The following FMN2 variants were observed in gnomAD, a reference collection of about 807,000 sequenced individuals.
FMN2 encodes formin 2.
A neutral mutation model predicts 142.3 loss-of-function variants in FMN2; 51 were observed. The observed-to-expected ratio is 0.36, with a 90% CI of 0.29 to 0.45. FMN2 has a LOEUF of 0.45. FMN2 is among the 20% of genes least tolerant of loss of function. The pLI is 1.00. For missense variants in FMN2, 1,936 were observed against 2,122.8 expected, an observed-to-expected ratio of 0.91 and a Z score of 1.73; for synonymous variants, 882 against 869.8, an observed-to-expected ratio of 1.01 and a Z score of -0.25.
At chr1:240,295,539 T>G (rs1669942607) in intron 8 of FMN2, among the ~76,000 whole-genome samples, 1 of 144,580 alleles carries the variant, frequency 6.9e-6, no homozygotes, top group African/African-American at 2.5e-5. Flanking sequence ...GTGTCTAGCT[T>G]ATTTCACTTA....
intron 15 of FMN2, among the ~76,000 whole-genome samples, chr1:240,409,153 A>G (rs898635944): frequency 1.3e-5 from 2 of 151,570 alleles, no homozygotes; most frequent in Non-Finnish European, 2.9e-5. Flanking sequence ...TTTACTTTTT[A>G]TTTTTTTGAG....
At chr1:240,395,914 A>G (rs754224546) in intron 15 of FMN2, among the ~76,000 whole-genome samples, 3 of 152,324 alleles carry the variant, frequency 2.0e-5, no homozygotes, top group Middle Eastern at 6.8e-3. Flanking sequence ...TACTGTGAGT[A>G]AAGTGCTACC....
intron 7 of FMN2, among the ~76,000 whole-genome samples, chr1:240,258,787 G>A (rs1181659885): frequency 2.0e-5 from 3 of 152,170 alleles, no homozygotes; most frequent in Non-Finnish European, 2.9e-5. Context: ...GTAATGAAGT[G>A]TAAATTCAGA....
rs1672455535 is a variant in FMN2 at position 240,361,137 on chromosome 1, ATGTGTATATATATATATAT to A, written c.4858+5230_4858+5248del. 8.3e-5 allele frequency among the ~76,000 whole-genome samples: 10 copies of A among 121,208 alleles called. 1 individual carries two copies. Among genetic ancestry groups the A allele is most frequent in the South Asian group, 5.3e-4 (2 of 3,798 alleles). 79.5% of individuals were successfully genotyped at this position (121,208 alleles called of 152,430 possible). On this transcript the variant is annotated intron_variant, in intron 14 of 17. Coordinates refer to ENST00000319653, the MANE Select transcript of FMN2 (RefSeq NM_020066.5). ...AAGTATAATAATAATAAATAAATAT[ATGTGTATATATATATATAT>A]ATATATATATATATATATATATATA...
At chr1:240,149,917 C>T (rs1480454981) in intron 2 of FMN2, among the ~76,000 whole-genome samples, 2 of 151,326 alleles carry the variant, frequency 1.3e-5, no homozygotes, top group Non-Finnish European at 2.9e-5. Flanking sequence ...TTTTTTTTCC[C>T]CTGAGTACAG....
chr1:240,154,107 C>CAAAAAAAAAAAA (rs3047182), intron 2 of FMN2, among the ~76,000 whole-genome samples: 1 of 55,318 alleles, frequency 1.8e-5, no homozygotes, highest in African/African-American at 6.7e-5. Context: ...GAGATTCCAT[C>CAAAAAAAAAAAA]AAAAAAAAAA....
chr1:240,104,511 T>C (rs1179806153), intron 1 of FMN2, among the ~76,000 whole-genome samples: 3 of 152,194 alleles, frequency 2.0e-5, no homozygotes, highest in Non-Finnish European at 4.4e-5. Flanking sequence ...GCATTTTCAC[T>C]TCCCATTCCG....
chr1:240,267,477 T>A (rs1668857318), intron 7 of FMN2, among the ~76,000 whole-genome samples: 1 of 151,302 alleles, frequency 6.6e-6, no homozygotes, highest in Non-Finnish European at 1.5e-5. Context: ...CACACTGGGG[T>A]CTTTCAGAGA....
In FMN2 at chr1:240,253,224, C is replaced by T. The variant is rs147793883; in HGVS notation, c.4066-4721C>T. Among the ~76,000 whole-genome samples, 10 of 152,086 alleles carry T rather than the reference C, an allele frequency of 6.6e-5. No individual in the cohort carries two copies. In the East Asian group the frequency reaches 1.7e-3, roughly 27 times the overall value. ...GACCTCATTATCTGCCTGCCTCAGC[C>T]TCCCAAAGTGCTAGGATTACAGACG... On this transcript the variant is annotated intron_variant, in intron 6 of 17. Coordinates refer to ENST00000319653, the MANE Select transcript of FMN2 (RefSeq NM_020066.5).
chr1:240,114,813 A>G (rs1251894967), intron 1 of FMN2, among the ~76,000 whole-genome samples: 2 of 152,060 alleles, frequency 1.3e-5, no homozygotes, highest in Non-Finnish European at 2.9e-5. Flanking sequence ...ATGCTCCACC[A>G]TGCCCAGCTA....
chr1:240,274,207 A>G (rs1669114795), intron 7 of FMN2, among the ~76,000 whole-genome samples: 1 of 149,740 alleles, frequency 6.7e-6, no homozygotes, highest in African/African-American at 2.5e-5. Flanking sequence ...TTTAATATGT[A>G]CCATGGGGGA....
chr1:240,102,098 C>T (rs1371998540), intron 1 of FMN2, among the ~76,000 whole-genome samples: 2 of 151,908 alleles, frequency 1.3e-5, no homozygotes, highest in Non-Finnish European at 2.9e-5. Context: ...TCAGTTTTTC[C>T]TACTATTGAA....
At chr1:240,291,912 G>C (rs953736753) in intron 7 of FMN2, among the ~76,000 whole-genome samples, 1 of 152,108 alleles carries the variant, frequency 6.6e-6, no homozygotes, top group African/African-American at 2.4e-5. Flanking sequence ...CTACATGTCA[G>C]ACCCTTTTAC....
chr1:240,353,478 A>G (rs554617115), intron 13 of FMN2, among the ~76,000 whole-genome samples: 2 of 152,338 alleles, frequency 1.3e-5, no homozygotes, highest in East Asian at 1.9e-4. Context: ...TTATACAGCA[A>G]CTAACCCATC....
chr1:240,334,035 GAC>G, intron 12 of FMN2, 72 bp from the exon 13 acceptor site: 1 of 1,573,502 alleles, frequency 6.4e-7, no homozygotes, highest in Non-Finnish European at 8.6e-7. Context: ...TTTTGTTTTG[GAC>G]ATACCTGCTA....
At chr1:240,399,590 T>C (rs1673904208) in intron 15 of FMN2, among the ~76,000 whole-genome samples, 1 of 152,144 alleles carries the variant, frequency 6.6e-6, no homozygotes, top group Non-Finnish European at 1.5e-5. Context: ...GGTTATGGCT[T>C]CTCACTGAGT....
At chr1:240,287,352 A>G (rs1010295818) in intron 7 of FMN2, among the ~76,000 whole-genome samples, 15 of 152,178 alleles carry the variant, frequency 9.9e-5, no homozygotes, top group Non-Finnish European at 2.1e-4. Flanking sequence ...AGCTAACTTC[A>G]TCAAAGCTTT....
chr1:240,154,278 A>G (rs1251554003), intron 2 of FMN2, among the ~76,000 whole-genome samples: 1 of 152,146 alleles, frequency 6.6e-6, no homozygotes, highest in African/African-American at 2.4e-5. Context: ...TGACACAGAT[A>G]GTACAGAGTG....
At chr1:240,411,066 C>CCTG (rs972081023) in intron 15 of FMN2, among the ~76,000 whole-genome samples, 44 of 49,078 alleles carry the variant, frequency 9.0e-4, no homozygotes, top group Non-Finnish European at 2.1e-3. Context: ...TAGTCCCCAT[C>CCTG]CTACTTCTTC....
Sources: allele counts gnomAD v4.1 joint callset (sites outside exome capture counted in the v4.1 genomes callset), GRCh38; gene constraint gnomAD v4.1.1; transcripts MANE v1.5; gene names NCBI Gene and HGNC (gene_info 2026-07-23, HGNC 2026-07-21).